The following CHLSN variants were observed in gnomAD, a reference collection of about 807,000 sequenced individuals.
The protein encoded by CHLSN is protein cholesin.
At chr7:994,938 A>G in the CHLSN span, among the ~76,000 whole-genome samples, 69,479 of 152,206 alleles carry the variant, frequency 0.46, 18,245 homozygotes, top group African/African-American at 0.73. Flanking sequence ...TTGATCCGCC[A>G]CCTGGCTTGC....
chr7:1,009,820 T>C, the CHLSN span: 2 of 810,664 alleles, frequency 2.5e-6, no homozygotes. Flanking sequence ...AGCACAGGCC[T>C]GGCATGAACG....
At chr7:1,009,051 ACACGTGCACGTGCACGCAG>A in the CHLSN span, among the ~76,000 whole-genome samples, 1 of 148,436 alleles carries the variant, frequency 6.7e-6, no homozygotes, top group Non-Finnish European at 1.5e-5. Flanking sequence ...GCACACACGT[ACACGTGCACGTGCACGCAG>A]CGTGCACATC....
chr7:1,068,571 G>C, the CHLSN span, among the ~76,000 whole-genome samples: 1 of 152,128 alleles, frequency 6.6e-6, no homozygotes, highest in Non-Finnish European at 1.5e-5. Context: ...TGCTTGCTTA[G>C]GTCAGCAAGC....
the CHLSN span, among the ~76,000 whole-genome samples, chr7:1,002,378 G>T: frequency 8.4e-6 from 1 of 119,706 alleles, no homozygotes; most frequent in Non-Finnish European, 1.7e-5. Context: ...GAGTCCTGTG[G>T]GTGGGGAGTC....
the CHLSN span, chr7:1,092,642 C>T: frequency 1.8e-5 from 29 of 1,612,648 alleles, no homozygotes; most frequent in Middle Eastern, 1.6e-4. Flanking sequence ...CACCCCCTCA[C>T]GGGCCACATT....
At chr7:1,000,000 C>T in the CHLSN span, among the ~76,000 whole-genome samples, 396 of 152,322 alleles carry the variant, frequency 2.6e-3, 2 homozygotes, top group African/African-American at 8.9e-3. Context: ...CACGTGTAGA[C>T]ACACGTCATG....
the CHLSN span, chr7:997,617 T>C: frequency 1.3e-6 from 2 of 1,591,448 alleles, no homozygotes; most frequent in East Asian, 2.3e-5. Context: ...CGCCCCGCGC[T>C]GAACCCACTA....
chr7:1,099,401 T>C, the CHLSN span, among the ~76,000 whole-genome samples: 3 of 152,240 alleles, frequency 2.0e-5, no homozygotes, highest in Non-Finnish European at 4.4e-5. Flanking sequence ...CACACTTCGT[T>C]AGCAGCCACA....
the CHLSN span, among the ~76,000 whole-genome samples, chr7:1,019,376 C>T: frequency 6.6e-6 from 1 of 152,102 alleles, no homozygotes. Flanking sequence ...AAATCCTGCC[C>T]CCATGCCAGG....
At chr7:1,114,496 C>T in the CHLSN span, among the ~76,000 whole-genome samples, 5 of 152,244 alleles carry the variant, frequency 3.3e-5, no homozygotes, top group South Asian at 2.1e-4. Context: ...GTCAAGTCCC[C>T]GGCAGCCTCT....
the CHLSN span, chr7:1,028,604 C>G: frequency 1.0e-6 from 1 of 983,698 alleles, no homozygotes; most frequent in Admixed American, 6.2e-5. Context: ...CGCACCCCCG[C>G]CCGCGCAGGG....
the CHLSN span, among the ~76,000 whole-genome samples, chr7:1,112,546 G>GA: frequency 1.3e-5 from 2 of 152,080 alleles, no homozygotes; most frequent in African/African-American, 4.8e-5. Context: ...ATGAAGCCAG[G>GA]AAAGTCCCAC....
At chr7:1,091,816 G>T in the CHLSN span, 2 of 1,595,532 alleles carry the variant, frequency 1.3e-6, no homozygotes, top group Non-Finnish European at 1.7e-6. Context: ...CACCTCCCCC[G>T]AGCTCAACCT....
the CHLSN span, among the ~76,000 whole-genome samples, chr7:1,007,788 C>T: frequency 6.6e-6 from 1 of 152,122 alleles, no homozygotes; most frequent in Non-Finnish European, 1.5e-5. Context: ...CGGGAAGGTC[C>T]CAGAGGGGGA....
At chr7:989,004 G>A in the CHLSN span, 42 of 540,444 alleles carry the variant, frequency 7.8e-5, no homozygotes, top group Non-Finnish European at 1.1e-4. Flanking sequence ...ACCCCTGCCC[G>A]ACCCTGTGGG....
At chr7:995,015 C>A in the CHLSN span, among the ~76,000 whole-genome samples, 14 of 152,382 alleles carry the variant, frequency 9.2e-5, no homozygotes, top group South Asian at 2.9e-3. Flanking sequence ...GAGGGACGGA[C>A]GTGAGGGTCG....
chr7:1,081,472 G>T, the CHLSN span, among the ~76,000 whole-genome samples: 1 of 152,260 alleles, frequency 6.6e-6, no homozygotes, highest in Non-Finnish European at 1.5e-5. Context: ...GCGGGCTCGA[G>T]CGGGGCTTGG....
chr7:1,084,323 C>T, the CHLSN span, among the ~76,000 whole-genome samples: 51 of 152,348 alleles, frequency 3.3e-4, no homozygotes, highest in South Asian at 0.01. Flanking sequence ...AAGGGGCTCT[C>T]GGCCTCCCTT....
the CHLSN span, among the ~76,000 whole-genome samples, chr7:1,041,512 A>C: frequency 2.0e-5 from 3 of 152,200 alleles, no homozygotes; most frequent in African/African-American, 7.2e-5. Context: ...GCTCTGAACA[A>C]CACCACGTTT....
Sources: gnomAD v4.1 joint callset for allele counts (sites outside exome capture counted in the v4.1 genomes callset) on GRCh38, gnomAD v4.1.1 for gene constraint, MANE v1.5 for transcripts, NCBI Gene and HGNC (gene_info 2026-07-23, HGNC 2026-07-21) for gene names.